The following SLC7A2 variants were observed in gnomAD, a reference collection of about 807,000 sequenced individuals.
The protein encoded by SLC7A2 is solute carrier family 7 member 2, also known as cationic amino acid transporter 2.
A neutral mutation model predicts 58.9 loss-of-function variants in SLC7A2; 48 were observed. That is an observed-to-expected ratio of 0.82 (90% CI 0.65 to 1.04). SLC7A2 has a LOEUF of 1.04. Ranked by LOEUF, SLC7A2 falls within the 50% of genes least tolerant of loss-of-function variation. SLC7A2 has a pLI of 0.00. For missense variants in SLC7A2, 1,029 were observed against 818.8 expected (o/e 1.26, Z -3.13); for synonymous variants, 363 against 314.5 (o/e 1.15, Z -1.63).
intron 2 of SLC7A2, among the ~76,000 whole-genome samples, chr8:17,541,349 C>G (rs1045723859): frequency 6.6e-6 from 1 of 152,124 alleles, no homozygotes; most frequent in African/African-American, 2.4e-5. Context: ...TTTATGGAAG[C>G]ATTGATAGGT....
At chr8:17,529,843 G>A (rs1052705189) in intron 2 of SLC7A2, among the ~76,000 whole-genome samples, 14 of 152,054 alleles carry the variant, frequency 9.2e-5, no homozygotes, top group African/African-American at 3.4e-4. Context: ...GGCCCAGAGG[G>A]ACATTTTCAA....
rs887453302 is a variant in SLC7A2 at position 17,568,239 on chromosome 8, T to C, written c.*3093T>C. 6.6e-6 allele frequency: 1 copy of C among 151,904 alleles called. No homozygotes were observed. Among genetic ancestry groups the C allele is most frequent in the Admixed American group, 6.6e-5 (1 of 15,126 alleles). 9.4% of individuals were successfully genotyped at this position (151,904 alleles called of 1,614,324 possible). On this transcript the variant is annotated 3_prime_UTR_variant, in exon 13 of 13. Coordinates refer to ENST00000494857, the MANE Select transcript of SLC7A2 (RefSeq NM_001370338.1). ...TCTTGTAATGGCACCTCAAATTTTATACTCTTAAAAAAAAACAATAATTTG... is the reference window on the plus strand; with the variant it reads ...TCTTGTAATGGCACCTCAAATTTTACACTCTTAAAAAAAAACAATAATTTG...
chr8:17,499,084 T>A (rs1223752682), intron 1 of SLC7A2: 4 of 152,320 alleles, frequency 2.6e-5, no homozygotes, highest in Non-Finnish European at 4.4e-5. Context: ...TACCTTCTGT[T>A]CTCTTTTCAG....
chr8:17,494,250 C>T (rs1415368091), upstream of SLC7A2, among the ~76,000 whole-genome samples: 1 of 152,144 alleles, frequency 6.6e-6, no homozygotes, highest in Non-Finnish European at 1.5e-5. Context: ...TTGTATTTGG[C>T]AAGTGTGGGA....
chr8:17,513,306 A>G (rs1309375597), intron 2 of SLC7A2, among the ~76,000 whole-genome samples: 1 of 152,126 alleles, frequency 6.6e-6, no homozygotes, highest in East Asian at 1.9e-4. Flanking sequence ...ATCCTCATCA[A>G]TACATGTTAT....
rs1585253517 is a variant in SLC7A2 at position 17,551,578 on chromosome 8, A to T, written c.833-186A>T. 2.0e-5 allele frequency among the ~76,000 whole-genome samples: 3 copies of T among 152,316 alleles called. No homozygotes were observed. In the South Asian group the frequency reaches 6.2e-4, roughly 32 times the overall value. On this transcript the variant is annotated intron_variant, in intron 6 of 12. Transcript: ENST00000494857. ...ACGCCACTGCACTCCAGCCTGGGCAACAGAGCAAGACTCTGTCTCAAAAAT... is the reference window on the plus strand; with the variant it reads ...ACGCCACTGCACTCCAGCCTGGGCATCAGAGCAAGACTCTGTCTCAAAAAT...
At chr8:17,539,003 G>C in intron 2 of SLC7A2, 1 of 1,293,770 alleles carries the variant, frequency 7.7e-7, no homozygotes, top group Non-Finnish European at 1.1e-6. Flanking sequence ...GGGAGGAAGG[G>C]AAAGATTCAT....
In SLC7A2 at chr8:17,507,355, A is replaced by ATG. The variant is rs531974314; in HGVS notation, c.-23+5068_-23+5069dup. Among the ~76,000 whole-genome samples the ATG allele has an allele frequency of 2.2e-3, 328 of 151,268 alleles. 2 individuals are homozygous for ATG. The highest frequency in any genetic ancestry group is 3.4e-3 in the Middle Eastern group (1 of 294). ...TTTTAAAAAGCTGGAAACTATTTAAATGTGTGTGTGTGTGTGCATTATTAT... is the reference window on the plus strand; with the variant it reads ...TTTTAAAAAGCTGGAAACTATTTAAATGTGTGTGTGTGTGTGTGCATTATTAT... On this transcript the variant is annotated intron_variant, in intron 2 of 12. Coordinates refer to ENST00000494857, the MANE Select transcript of SLC7A2 (RefSeq NM_001370338.1).
intron 2 of SLC7A2, among the ~76,000 whole-genome samples, chr8:17,540,409 C>T (rs1182809263): frequency 6.6e-6 from 1 of 151,878 alleles, no homozygotes; most frequent in East Asian, 1.9e-4. Context: ...TGTCTTTTTT[C>T]CCCAGAGTAA....
Position 17,566,575 on chromosome 8 carries a change from T to C in SLC7A2, c.*1429T>C, listed in dbSNP as rs1225131715. The C allele has an allele frequency of 2.0e-5, 3 of 152,182 alleles. No homozygotes were observed. The highest frequency in any genetic ancestry group is 4.4e-5 in the Non-Finnish European group (3 of 68,044). 9.4% of individuals were successfully genotyped at this position (152,182 alleles called of 1,614,324 possible). On this transcript the variant is annotated 3_prime_UTR_variant, in exon 13 of 13. Coordinates refer to ENST00000494857, the MANE Select transcript of SLC7A2 (RefSeq NM_001370338.1). ...ATCAGTGATTGGGGAATCAAACATTTTGGTTTAAAAAACATGATTATTTAA... is the reference window on the plus strand; with the variant it reads ...ATCAGTGATTGGGGAATCAAACATTCTGGTTTAAAAAACATGATTATTTAA...
At chr8:17,509,426 C>G (rs577600940) in intron 2 of SLC7A2, among the ~76,000 whole-genome samples, 2 of 152,094 alleles carry the variant, frequency 1.3e-5, no homozygotes, top group African/African-American at 4.8e-5. Context: ...CTGCCTCACC[C>G]TCCCAAGTAG....
At chr8:17,532,657 G>T (rs1801507520) in intron 2 of SLC7A2, among the ~76,000 whole-genome samples, 1 of 152,028 alleles carries the variant, frequency 6.6e-6, no homozygotes, top group Non-Finnish European at 1.5e-5. Context: ...TGGAGAAATT[G>T]TTCACATTTA....
chr8:17,515,539 C>A (rs13256875), intron 2 of SLC7A2, among the ~76,000 whole-genome samples: 5,394 of 152,234 alleles, frequency 0.035, 116 homozygotes, highest in East Asian at 0.1. Flanking sequence ...CGTGATCTGC[C>A]TGCCTGACCT....
rs772573071 is a variant in SLC7A2 at position 17,500,789 on chromosome 8, AACACACACATACACAC to A, written c.-68-1458_-68-1443del. Among the ~76,000 whole-genome samples the A allele has an allele frequency of 4.9e-5, 6 of 122,168 alleles. No homozygotes were observed. In the South Asian group the frequency reaches 8.3e-4, roughly 17 times the overall value. The allele number at this position is 122,168 out of a possible 152,430, so 80.1% of individuals were successfully genotyped here. A position where few individuals can be genotyped will look rare whatever the true frequency, so the allele number is the denominator to read the frequency against. The stretch of plus-strand genomic sequence containing the variant: ...GGGTGACTGAGCGAGACTCTGTCTC[AACACACACATACACAC>A]ACACACACACACACACACACACACA... On this transcript the variant is annotated intron_variant, in intron 1 of 12. Transcript: ENST00000494857.
chr8:17,498,261 C>A (rs1168115248), intron 1 of SLC7A2, among the ~76,000 whole-genome samples: 1 of 152,176 alleles, frequency 6.6e-6, no homozygotes, highest in African/African-American at 2.4e-5. Context: ...AATAAGAGCT[C>A]TCTGAATCCC....
At chr8:17,561,910 G>A (rs1250047845) in intron 10 of SLC7A2, 34 bp from the exon 11 acceptor site, 2 of 1,609,254 alleles carry the variant, frequency 1.2e-6, no homozygotes, top group South Asian at 1.1e-5. Context: ...GGAGCACAGT[G>A]TGCTGACTCT....
chr8:17,556,964 G>T (rs1395865544), intron 8 of SLC7A2, among the ~76,000 whole-genome samples: 1 of 152,142 alleles, frequency 6.6e-6, no homozygotes, highest in Non-Finnish European at 1.5e-5. Context: ...TGATCTTGTA[G>T]AAGGAACATG....
rs114292735 is a variant in SLC7A2 at position 17,517,957 on chromosome 8, T to G, written c.-23+15655T>G. On this transcript the variant is annotated intron_variant, in intron 2 of 12. Coordinates refer to ENST00000494857, the MANE Select transcript of SLC7A2 (RefSeq NM_001370338.1). ...AATCCAGCTCTGTGACTTTGAAAAG[T>G]TTCTTAACATCTCTGAGCCTTAGTT... 5.1e-3 allele frequency among the ~76,000 whole-genome samples: 773 copies of G among 152,212 alleles called. 8 individuals are homozygous for G. Among genetic ancestry groups the G allele is most frequent in the African/African-American group, 0.018 (736 of 41,528 alleles).
At chr8:17,548,991 C>T (rs1802313381) in intron 5 of SLC7A2, 148 bp downstream of exon 5, 1 of 715,986 alleles carries the variant, frequency 1.4e-6, no homozygotes, top group Non-Finnish European at 2.3e-6. Flanking sequence ...ACTCACAGTT[C>T]CACATGGCTG....
Sources: allele counts gnomAD v4.1 joint callset (sites outside exome capture counted in the v4.1 genomes callset), GRCh38; gene constraint gnomAD v4.1.1; transcripts MANE v1.5; gene names NCBI Gene and HGNC (gene_info 2026-07-23, HGNC 2026-07-21).